STPG4: variants seen among roughly 807,000 people sequenced by gnomAD.
STPG4 encodes protein STPG4.
A neutral mutation model predicts 31.5 loss-of-function variants in STPG4; 41 were observed. The ratio of observed to expected loss-of-function variants is 1.30; its 90% confidence interval spans 1.01 to 1.69. The LOEUF (loss-of-function observed/expected upper bound fraction) is 1.69. Ranked by LOEUF, STPG4 falls within the 40% of genes most tolerant of loss-of-function variation. The probability of loss-of-function intolerance (pLI) is 0.00; values close to 1 mark genes in which losing one functional copy is unlikely to be tolerated. For synonymous variants in STPG4, 141 were observed against 103.0 expected, an observed-to-expected ratio of 1.37 and a Z score of -2.24; for missense variants, 375 against 293.4, an observed-to-expected ratio of 1.28 and a Z score of -2.03.
At chr2:47,103,646 A>G (rs998531236) in intron 5 of STPG4, among the ~76,000 whole-genome samples, 4 of 151,936 alleles carry the variant, frequency 2.6e-5, no homozygotes, top group Non-Finnish European at 4.4e-5. Context: ...AGATTGTCCA[A>G]TGAGAAACAA....
chr2:47,099,085 A>C (rs1323527016), intron 5 of STPG4, among the ~76,000 whole-genome samples: 2 of 152,190 alleles, frequency 1.3e-5, no homozygotes, highest in East Asian at 3.8e-4. Context: ...CTGGGTTTCT[A>C]GTTAGGCTGT....
intron 5 of STPG4, among the ~76,000 whole-genome samples, chr2:47,113,031 A>C (rs1403597053): frequency 6.6e-6 from 1 of 152,012 alleles, no homozygotes; most frequent in East Asian, 1.9e-4. Context: ...TAAAAATTAG[A>C]AGAAATTAAA....
At chr2:47,116,361 G>C (rs527892336) in intron 5 of STPG4, among the ~76,000 whole-genome samples, 4 of 152,288 alleles carry the variant, frequency 2.6e-5, no homozygotes, top group South Asian at 2.1e-4. Flanking sequence ...CATTGTTGTA[G>C]AGTTTCTCTG....
chr2:47,120,657 G>C (rs2103767596), intron 5 of STPG4, among the ~76,000 whole-genome samples: 1 of 152,140 alleles, frequency 6.6e-6, no homozygotes, highest in East Asian at 1.9e-4. Flanking sequence ...TGGGGGTCCG[G>C]GTTTCAGTCA....
rs529154544 is a variant in STPG4, at chr2:47,096,406, C to T, written c.520-6032G>A. ...AATGGGCAGGGCCTCGAGGACAAGCCTAGAGAGAAGGATGTTATTCACTTT... is the reference window on the plus strand; with the variant it reads ...AATGGGCAGGGCCTCGAGGACAAGCTTAGAGAGAAGGATGTTATTCACTTT... On this transcript the variant is annotated intron_variant, in intron 5 of 6. Coordinates refer to ENST00000445927, the MANE Select transcript of STPG4 (RefSeq NM_001163561.2). Among the ~76,000 whole-genome samples the T allele has an allele frequency of 3.9e-5, 6 of 152,212 alleles. No individual in the cohort carries two copies. The South Asian group carries it at 1.2e-3, about 32-fold the overall frequency.
chr2:47,133,570 C>CTTTTTTCTTTT (rs1686532902), intron 3 of STPG4, among the ~76,000 whole-genome samples: 1 of 67,142 alleles, frequency 1.5e-5, no homozygotes. Context: ...GCACTCAAAT[C>CTTTTTTCTTTT]TTTTTTTTTT....
At chr2:47,097,594 C>T (rs1302004295) in intron 5 of STPG4, among the ~76,000 whole-genome samples, 3 of 152,130 alleles carry the variant, frequency 2.0e-5, no homozygotes, top group Non-Finnish European at 2.9e-5. Flanking sequence ...AAGCTTCTGC[C>T]CTTCGCCACG....
chr2:47,110,167 A>T (rs1686007367), intron 5 of STPG4, among the ~76,000 whole-genome samples: 1 of 152,238 alleles, frequency 6.6e-6, no homozygotes, highest in African/African-American at 2.4e-5. Flanking sequence ...AGAGACCCCA[A>T]ACATCATACG....
rs1686937631 is a variant in STPG4 at position 47,151,529 on chromosome 2, A to G, written c.142-14T>C. The G allele has an allele frequency of 6.2e-7, 1 of 1,611,350 alleles. No individual in the cohort carries two copies. Among genetic ancestry groups the G allele is most frequent in the East Asian group, 2.2e-5 (1 of 44,860 alleles). On this transcript the variant is annotated splice_polypyrimidine_tract_variant and intron_variant, in intron 2 of 6. Transcript: ENST00000445927. ...TATAGGAGTATCCTGTGGAAAATTG[A>G]CATCAGTTTTAAGATTGTGTAAACA...
intron 5 of STPG4, among the ~76,000 whole-genome samples, chr2:47,111,199 T>C (rs1449368097): frequency 6.6e-6 from 1 of 152,180 alleles, no homozygotes; most frequent in East Asian, 1.9e-4. Context: ...ATAGTCTCAA[T>C]GCCAAGTAGA....
intron 5 of STPG4, among the ~76,000 whole-genome samples, chr2:47,091,533 C>A (rs141002963): frequency 1.3e-5 from 2 of 152,178 alleles, no homozygotes; most frequent in African/African-American, 4.8e-5. Context: ...GGGTTCCTTG[C>A]CTCAGGAGTG....
At chr2:47,124,162 C>T (rs781640340) in intron 5 of STPG4, among the ~76,000 whole-genome samples, 1 of 151,776 alleles carries the variant, frequency 6.6e-6, no homozygotes, top group Non-Finnish European at 1.5e-5. Flanking sequence ...TTTGTATTTT[C>T]AGTAGAGGTG....
rs1472080848 is a variant in STPG4, at chr2:47,119,336, G to A, written c.519+10605C>T. Among the ~76,000 whole-genome samples, 3 of 152,156 alleles carry A rather than the reference G, an allele frequency of 2.0e-5. No homozygotes were observed. In the East Asian group the frequency reaches 5.8e-4, roughly 29 times the overall value. The stretch of plus-strand genomic sequence containing the variant: ...AGTGAATCACTTTTATTTATAAAAT[G>A]GAATGGATGAGGTGATATCAGTAAA... On this transcript the variant is annotated intron_variant, in intron 5 of 6. Coordinates refer to ENST00000445927, the MANE Select transcript of STPG4 (RefSeq NM_001163561.2).
chr2:47,146,695 A>C (rs1252523054), intron 3 of STPG4, among the ~76,000 whole-genome samples: 2 of 152,224 alleles, frequency 1.3e-5, no homozygotes, highest in African/African-American at 4.8e-5. Context: ...GGATGAGATC[A>C]CCATTCAGAG....
intron 5 of STPG4, among the ~76,000 whole-genome samples, chr2:47,111,457 GGGGAGGAGTGAA>G (rs1303662634): frequency 6.6e-6 from 1 of 152,192 alleles, no homozygotes; most frequent in Non-Finnish European, 1.5e-5. Flanking sequence ...ATCAATTAAA[GGGGAGGAGTGAA>G]GGGAGGAGAA....
rs559063259 is a variant in STPG4, at chr2:47,119,563, A to T, written c.519+10378T>A. The stretch of plus-strand genomic sequence containing the variant: ...CATTTAAAAGCATGCATTTCAAAGG[A>T]AATACAATATCATGCAGTGGAGAAA... On this transcript the variant is annotated intron_variant, in intron 5 of 6. Transcript: ENST00000445927. Among the ~76,000 whole-genome samples, 387 of 152,386 alleles carry T rather than the reference A, an allele frequency of 2.5e-3. 2 individuals carry two copies. Among genetic ancestry groups the T allele is most frequent in the Middle Eastern group, 0.017 (5 of 294 alleles).
At position 47,119,614 on chromosome 2, in the gene STPG4, T is replaced by G. The variant is rs1180419379; in HGVS notation, c.519+10327A>C. Among the ~76,000 whole-genome samples, 3 of 152,216 alleles carry G rather than the reference T, an allele frequency of 2.0e-5. No individual in the cohort carries two copies. The East Asian group carries it at 5.8e-4, about 29-fold the overall frequency. On this transcript the variant is annotated intron_variant, in intron 5 of 6. Coordinates refer to ENST00000445927, the MANE Select transcript of STPG4 (RefSeq NM_001163561.2). ...AAACTTGGTGTCCTAACTGCTTGCT[T>G]CCAAAGCCAACTGAACACATGCATT...
chr2:47,151,368 G>T lies in STPG4; in HGVS notation c.289C>A (p.Pro97Thr). The T allele has an allele frequency of 1.2e-6, 2 of 1,614,222 alleles. No individual in the cohort carries two copies. The highest frequency in any genetic ancestry group is 1.7e-6 in the Non-Finnish European group (2 of 1,180,044). The change falls in exon 3 of 7, where the codon CCG becomes ACG. Residue 97 changes from proline to threonine, a missense_variant. Coordinates refer to ENST00000445927, the MANE Select transcript of STPG4 (RefSeq NM_001163561.2). ...AGGAAGTCAGGAGGCATATACTGCG[G>T]AAGATCATTTAGGACTGGATTGTTT... is the stretch of plus-strand genomic sequence containing the variant. ...QRNNPVLNDL[P>T]QYMPPDFLDL...
At chr2:47,139,767 C>G (rs1253051203) in intron 3 of STPG4, among the ~76,000 whole-genome samples, 1 of 152,102 alleles carries the variant, frequency 6.6e-6, no homozygotes, top group African/African-American at 2.4e-5. Context: ...CTCCGACAAT[C>G]TGTCTTTTAA....
Sources: allele counts gnomAD v4.1 joint callset (sites outside exome capture counted in the v4.1 genomes callset), GRCh38; gene constraint gnomAD v4.1.1; transcripts MANE v1.5; gene names NCBI Gene and HGNC (gene_info 2026-07-23, HGNC 2026-07-21).